Variants in PTPN14 observed in about 807,000 individuals in gnomAD.
PTPN14 encodes the protein tyrosine-protein phosphatase non-receptor type 14.
In PTPN14, 53 loss-of-function variants were observed where a neutral mutation model predicts 126.8. That is an observed-to-expected ratio of 0.42 (90% CI 0.34 to 0.53). PTPN14 has a LOEUF of 0.53. Ranked by LOEUF, PTPN14 falls within the 20% of genes least tolerant of loss-of-function variation. PTPN14 has a pLI of 0.08. For synonymous variants in PTPN14, 630 were observed against 599.3 expected, an observed-to-expected ratio of 1.05 and a Z score of -0.75; for missense variants, 1,257 against 1,552.9, an observed-to-expected ratio of 0.81 and a Z score of 3.20.
chr1:214,522,730 C>G (rs1348443272), intron 1 of PTPN14, among the ~76,000 whole-genome samples: 1 of 152,054 alleles, frequency 6.6e-6, no homozygotes, highest in African/African-American at 2.4e-5. Flanking sequence ...AAATGAAGAC[C>G]ACCAGAGGGC....
At chr1:214,463,515 T>C (rs1660559086) in intron 2 of PTPN14, among the ~76,000 whole-genome samples, 1 of 152,158 alleles carries the variant, frequency 6.6e-6, no homozygotes, top group Non-Finnish European at 1.5e-5. Context: ...ACAGATGCAT[T>C]TCAGGTGAAA....
intron 2 of PTPN14, among the ~76,000 whole-genome samples, 172 bp downstream of exon 2, chr1:214,464,458 A>G (rs1660581625): frequency 1.3e-5 from 2 of 152,208 alleles, no homozygotes; most frequent in Admixed American, 1.3e-4. Context: ...CCAATGATGG[A>G]TAAGATCACA....
At chr1:214,439,014 A>G (rs1488983728) in intron 3 of PTPN14, among the ~76,000 whole-genome samples, 4 of 152,190 alleles carry the variant, frequency 2.6e-5, no homozygotes, top group Non-Finnish European at 5.9e-5. Flanking sequence ...CCAGAGAGTG[A>G]GGTCTTCAAG....
chr1:214,504,676 GC>G (rs1407396261), intron 1 of PTPN14, among the ~76,000 whole-genome samples: 1 of 152,132 alleles, frequency 6.6e-6, no homozygotes, highest in African/African-American at 2.4e-5. Context: ...ACCCTGCTAG[GC>G]CCTGGGGAAA....
chr1:214,386,051 C>A (rs1286079690), intron 12 of PTPN14, among the ~76,000 whole-genome samples: 1 of 152,178 alleles, frequency 6.6e-6, no homozygotes, highest in African/African-American at 2.4e-5. Context: ...CGGTTTTCTA[C>A]CATCTCTCTT....
chr1:214,482,174 G>T (rs1236007305), intron 1 of PTPN14, among the ~76,000 whole-genome samples: 1 of 151,298 alleles, frequency 6.6e-6, no homozygotes, highest in Non-Finnish European at 1.5e-5. Flanking sequence ...TATTCAAGGT[G>T]ACCATCCCTT....
intron 3 of PTPN14, among the ~76,000 whole-genome samples, chr1:214,424,055 T>C (rs1413512843): frequency 1.3e-5 from 2 of 151,090 alleles, no homozygotes; most frequent in Non-Finnish European, 2.9e-5. Flanking sequence ...CCCAGCACTT[T>C]GGGAGCCTGA....
At chr1:214,536,100 C>A (rs930604611) in intron 1 of PTPN14, among the ~76,000 whole-genome samples, 2 of 118,874 alleles carry the variant, frequency 1.7e-5, no homozygotes, top group Admixed American at 1.2e-4. Context: ...ATAACAACAA[C>A]AAAAAAAGGC....
intron 1 of PTPN14, among the ~76,000 whole-genome samples, chr1:214,489,686 A>T (rs1489737535): frequency 1.3e-5 from 2 of 152,178 alleles, no homozygotes; most frequent in African/African-American, 2.4e-5. Context: ...ATCATTTTAT[A>T]TTCAACTCTG....
chr1:214,466,754 T>C (rs1660648016), intron 1 of PTPN14, among the ~76,000 whole-genome samples: 1 of 152,166 alleles, frequency 6.6e-6, no homozygotes, highest in Non-Finnish European at 1.5e-5. Flanking sequence ...ATTTACACTC[T>C]TCATCCATCT....
chr1:214,512,699 T>A (rs746675833), intron 1 of PTPN14, among the ~76,000 whole-genome samples: 3 of 152,176 alleles, frequency 2.0e-5, no homozygotes, highest in Admixed American at 2.0e-4. Context: ...AAAAAATACG[T>A]ATTATTTTTT....
At chr1:214,548,663 T>C (rs1227967692) in intron 1 of PTPN14, among the ~76,000 whole-genome samples, 1 of 152,182 alleles carries the variant, frequency 6.6e-6, no homozygotes, top group Non-Finnish European at 1.5e-5. Context: ...GGCTATAATA[T>C]GTAATCAAAG....
intron 1 of PTPN14, among the ~76,000 whole-genome samples, chr1:214,504,270 A>G (rs1654778921): frequency 6.6e-6 from 1 of 152,132 alleles, no homozygotes. Flanking sequence ...CAATCACCAC[A>G]TAGCCAGATA....
At chr1:214,456,944 C>A (rs563993847) in intron 2 of PTPN14, among the ~76,000 whole-genome samples, 1 of 152,346 alleles carries the variant, frequency 6.6e-6, no homozygotes, top group Admixed American at 6.5e-5. Context: ...CACATATATA[C>A]TGACGTGATT....
intron 2 of PTPN14, among the ~76,000 whole-genome samples, chr1:214,464,027 C>T (rs1477679743): frequency 6.6e-6 from 1 of 151,966 alleles, no homozygotes; most frequent in East Asian, 1.9e-4. Flanking sequence ...AGTGGTCAGC[C>T]CTGCTTTTGC....
intron 1 of PTPN14, among the ~76,000 whole-genome samples, chr1:214,500,946 T>C (rs1244776170): frequency 6.6e-6 from 1 of 152,134 alleles, no homozygotes; most frequent in Admixed American, 6.5e-5. Context: ...TAATTATTCA[T>C]TACTGCTAGA....
At position 214,506,027 on chromosome 1, in the gene PTPN14, G is replaced by A. The variant is rs74142732; in HGVS notation, c.-154-41070C>T. Reference sequence around the variant, plus strand: ...ACAGAGACAGAGAGACACTGGCCACGTAACCATGCATCCACTGCTTAGGCA... The same window carrying A: ...ACAGAGACAGAGAGACACTGGCCACATAACCATGCATCCACTGCTTAGGCA... On this transcript the variant is annotated intron_variant, in intron 1 of 18. Transcript: ENST00000366956. Among the ~76,000 whole-genome samples the A allele has an allele frequency of 9.5e-3, 1,453 of 152,280 alleles. 24 individuals are homozygous for A. The highest frequency in any genetic ancestry group is 0.033 in the African/African-American group (1,365 of 41,550).
intron 1 of PTPN14, among the ~76,000 whole-genome samples, chr1:214,468,339 T>C (rs2102657607): frequency 6.6e-6 from 1 of 152,256 alleles, no homozygotes; most frequent in Middle Eastern, 3.4e-3. Flanking sequence ...GTGGATCACC[T>C]GAGGTCAAGA....
chr1:214,541,036 A>G (rs889588199), intron 1 of PTPN14, among the ~76,000 whole-genome samples: 16 of 152,176 alleles, frequency 1.1e-4, no homozygotes, highest in African/African-American at 3.4e-4. Context: ...CCAAGTATAA[A>G]TAAATTACAA....
Sources: allele counts gnomAD v4.1 joint callset (sites outside exome capture counted in the v4.1 genomes callset), GRCh38; gene constraint gnomAD v4.1.1; transcripts MANE v1.5; gene names NCBI Gene and HGNC (gene_info 2026-07-23, HGNC 2026-07-21).